The following ABCD2 variants were observed in gnomAD, a reference collection of about 807,000 sequenced individuals.
ABCD2 encodes ATP-binding cassette sub-family D member 2.
ABCD2 carries 36 observed loss-of-function variants against 70.9 expected under a neutral mutation model. The ratio of observed to expected loss-of-function variants is 0.51; its 90% confidence interval spans 0.39 to 0.67. The LOEUF is 0.67. Among genes scored for constraint, ABCD2 ranks in the 30% least tolerant of loss-of-function variants. The pLI, the probability that ABCD2 is intolerant of heterozygous loss-of-function variation, is 0.00. For synonymous variants in ABCD2, 304 were observed against 306.9 expected (o/e 0.99, Z 0.10); for missense variants, 729 against 890.2 (o/e 0.82, Z 2.30).
chr12:39,618,551 A>T, intron 1 of ABCD2, 126 bp downstream of exon 1: 1 of 783,194 alleles, frequency 1.3e-6, no homozygotes, highest in Non-Finnish European at 2.0e-6. Flanking sequence ...ATTCAGGTTT[A>T]GATGTCAGAG....
chr12:39,619,192 T>C lies in ABCD2; in HGVS notation c.424A>G (p.Thr142Ala), dbSNP rs760573269. ...VKSIVEKKPR[T>A]FIIKLIKWLM... ...CACTTGATTAATTTGATGATGAAAG[T>C]CCGAGGCTTCTTTTCCACAATGCTT... Residue 142 changes from threonine to alanine, a missense_variant, in exon 1 of 10, where the codon ACT becomes GCT. Around this residue, in one of 3 missense-constraint regions of ABCD2, gnomAD observed 245 missense variants for 261.2 expected, o/e 0.94. Transcript: ENST00000308666. The C allele has an allele frequency of 1.9e-6, 3 of 1,614,050 alleles. No individual in the cohort carries two copies. Among genetic ancestry groups the C allele is most frequent in the Non-Finnish European group, 2.5e-6 (3 of 1,180,044 alleles).
chr12:39,601,770 T>G (rs1449473021), intron 5 of ABCD2, among the ~76,000 whole-genome samples: 1 of 152,150 alleles, frequency 6.6e-6, no homozygotes, highest in Non-Finnish European at 1.5e-5. Flanking sequence ...AGAGTATTAT[T>G]ATATTGCTAG....
At position 39,618,852 on chromosome 12, in the gene ABCD2, C is replaced by A. The variant is rs1942152687; in HGVS notation, c.764G>T (p.Gly255Val). ...TATSRGASPI[G>V]PTLLAGLVVY... ...CACAAGTCCTGCTAGTAGGGTGGGC[C>A]CAATTGGGCTTGCTCCTCTGGATGT... The change falls in exon 1 of 10, where the codon GGG becomes GTG. Residue 255 changes from glycine (G) to valine (V), a missense_variant. Around this residue, in one of 3 missense-constraint regions of ABCD2, gnomAD observed 195 missense variants for 300.2 expected, o/e 0.65. Transcript: ENST00000308666. 19 of 1,614,066 alleles carry A rather than the reference C, an allele frequency of 1.2e-5. No individual in the cohort carries two copies. The highest frequency in any genetic ancestry group is 1.6e-5 in the Non-Finnish European group (19 of 1,180,014).
chr12:39,618,614 T>C, intron 1 of ABCD2, 63 bp downstream of exon 1: 1 of 1,455,458 alleles, frequency 6.9e-7, no homozygotes, highest in Non-Finnish European at 9.4e-7. Flanking sequence ...AGATGGTATC[T>C]GGCACTGCAG....
intron 3 of ABCD2, among the ~76,000 whole-genome samples, chr12:39,606,893 T>C (rs893727416): frequency 3.3e-5 from 5 of 152,174 alleles, no homozygotes; most frequent in African/African-American, 4.8e-5. Flanking sequence ...ATTCCAAGTA[T>C]GAAAATGGAT....
chr12:39,611,522 G>A (rs1227335147), intron 2 of ABCD2, among the ~76,000 whole-genome samples: 1 of 151,768 alleles, frequency 6.6e-6, no homozygotes, highest in Non-Finnish European at 1.5e-5. Context: ...TTTATAACCT[G>A]CGCCTATCCT....
downstream of ABCD2, among the ~76,000 whole-genome samples, chr12:39,548,747 A>C (rs1179791839): frequency 2.6e-5 from 4 of 151,816 alleles, no homozygotes; most frequent in African/African-American, 7.2e-5. Context: ...TAAACTGACT[A>C]AAATTAAATG....
intron 1 of ABCD2, among the ~76,000 whole-genome samples, 168 bp downstream of exon 1, chr12:39,618,509 C>T (rs113789062): frequency 1.3e-5 from 2 of 152,066 alleles, no homozygotes; most frequent in Non-Finnish European, 2.9e-5. Context: ...TAACTGGTTA[C>T]AGTTAAAAGG....
intron 7 of ABCD2, among the ~76,000 whole-genome samples, chr12:39,579,900 G>A (rs765457972): frequency 1.3e-5 from 2 of 152,020 alleles, no homozygotes; most frequent in African/African-American, 4.8e-5. Flanking sequence ...CAGTGTCTCC[G>A]GTGGGTTGAT....
At chr12:39,564,162 C>G (rs1165135317) in intron 9 of ABCD2, among the ~76,000 whole-genome samples, 1 of 152,148 alleles carries the variant, frequency 6.6e-6, no homozygotes, top group East Asian at 1.9e-4. Context: ...ATGGCTGGGT[C>G]AAATGGTAGT....
At chr12:39,582,198 ATTG>A (rs1340859744) in intron 7 of ABCD2, among the ~76,000 whole-genome samples, 1 of 152,128 alleles carries the variant, frequency 6.6e-6, no homozygotes, top group Non-Finnish European at 1.5e-5. Context: ...AGTTTTTATT[ATTG>A]TTTAAAAAGC....
chr12:39,531,119 C>T, the ABCD2 span, among the ~76,000 whole-genome samples: 1 of 152,096 alleles, frequency 6.6e-6, no homozygotes, highest in Non-Finnish European at 1.5e-5. Context: ...TATAGGGATA[C>T]CGCCGTGAAC....
Position 39,552,943 on chromosome 12 carries a change from G to A in ABCD2, c.*969C>T, listed in dbSNP as rs1941108906. The A allele has an allele frequency of 6.6e-6, 1 of 151,874 alleles. No individual in the cohort carries two copies. Among genetic ancestry groups the A allele is most frequent in the South Asian group, 2.1e-4 (1 of 4,822 alleles). The allele number at this position is 151,874 out of a possible 1,614,324, so 9.4% of individuals were successfully genotyped here. On this transcript the variant is annotated 3_prime_UTR_variant, in exon 10 of 10. Transcript: ENST00000308666. Reference sequence around the variant, plus strand: ...TGTCAATTTTCTCAAAAGCAAAGTAGGAAAAATAGTATTTGTTTCAAAACA... The same window carrying A: ...TGTCAATTTTCTCAAAAGCAAAGTAAGAAAAATAGTATTTGTTTCAAAACA...
chr12:39,595,089 G>A (rs976831414), intron 6 of ABCD2, among the ~76,000 whole-genome samples: 1 of 152,004 alleles, frequency 6.6e-6, no homozygotes, highest in African/African-American at 2.4e-5. Context: ...GAAAAAAGAA[G>A]ATAGCTGAAG....
intron 5 of ABCD2, among the ~76,000 whole-genome samples, chr12:39,601,137 C>T (rs1027509821): frequency 2.0e-5 from 3 of 151,896 alleles, no homozygotes; most frequent in Admixed American, 6.6e-5. Flanking sequence ...CAATTAATAG[C>T]TACAAAGCAC....
chr12:39,572,057 C>T (rs1249786326), intron 9 of ABCD2, among the ~76,000 whole-genome samples: 1 of 152,080 alleles, frequency 6.6e-6, no homozygotes, highest in Non-Finnish European at 1.5e-5. Context: ...TGGGTAGCTG[C>T]AATTAAAAAT....
chr12:39,569,454 C>T (rs576218686), intron 9 of ABCD2, among the ~76,000 whole-genome samples: 65 of 152,262 alleles, frequency 4.3e-4, no homozygotes, highest in African/African-American at 1.4e-3. Context: ...CCTGGTGTGC[C>T]GTTTGCTAGG....
chr12:39,557,749 G>T (rs541950619), intron 9 of ABCD2, among the ~76,000 whole-genome samples: 2 of 152,284 alleles, frequency 1.3e-5, no homozygotes, highest in East Asian at 3.9e-4. Flanking sequence ...CCTTCTGAGG[G>T]TACAAGCCCC....
intron 3 of ABCD2, 89 bp downstream of exon 3, chr12:39,607,510 C>A (rs1013956131): frequency 1.8e-6 from 2 of 1,114,806 alleles, no homozygotes; most frequent in Non-Finnish European, 2.6e-6. Context: ...GATATGTTTC[C>A]AAAATACTAA....
Sources: gnomAD v4.1 joint callset for allele counts (sites outside exome capture counted in the v4.1 genomes callset) on GRCh38, gnomAD v4.1.1 for gene constraint, gnomAD v4.1.1 regional missense constraint, MANE v1.5 for transcripts, NCBI Gene and HGNC (gene_info 2026-07-23, HGNC 2026-07-21) for gene names.